The following PDS5B variants were observed in gnomAD, a reference collection of about 807,000 sequenced individuals.
PDS5B encodes the protein sister chromatid cohesion protein PDS5 homolog B.
Under a neutral mutation model 184.1 loss-of-function variants are expected in PDS5B, and 51 were observed. The ratio of observed to expected loss-of-function variants is 0.28; its 90% CI spans 0.22 to 0.35. PDS5B has a LOEUF of 0.35. PDS5B is among the 10% of genes least tolerant of loss of function. The pLI, the probability that PDS5B is intolerant of heterozygous loss-of-function variation, is 1.00. For synonymous variants in PDS5B, 566 were observed against 569.2 expected (o/e 0.99, Z 0.08); for missense variants, 1,180 against 1,723.3 (o/e 0.68, Z 5.58).
At chr13:32,638,196 C>T (rs1291874965) in intron 1 of PDS5B, among the ~76,000 whole-genome samples, 1 of 152,190 alleles carries the variant, frequency 6.6e-6, no homozygotes, top group Non-Finnish European at 1.5e-5. Flanking sequence ...GGTAAGCTAA[C>T]CCAGAGCACA....
chr13:32,637,919 C>T (rs1461756871), intron 1 of PDS5B, among the ~76,000 whole-genome samples: 3 of 152,156 alleles, frequency 2.0e-5, no homozygotes, highest in Non-Finnish European at 4.4e-5. Flanking sequence ...TTACTGAAAA[C>T]AACTGTTCCC....
chr13:32,626,032 GT>G (rs909299360), intron 1 of PDS5B, among the ~76,000 whole-genome samples: 1 of 152,036 alleles, frequency 6.6e-6, no homozygotes, highest in African/African-American at 2.4e-5. Flanking sequence ...TAGGTATGGG[GT>G]TTTGCCATGT....
At chr13:32,730,090 A>C (rs965851065) in intron 19 of PDS5B, among the ~76,000 whole-genome samples, 1 of 152,160 alleles carries the variant, frequency 6.6e-6, no homozygotes, top group Admixed American at 6.5e-5. Context: ...TTTTCCATTT[A>C]AGTCTTTAAT....
intron 33 of PDS5B, among the ~76,000 whole-genome samples, chr13:32,772,077 G>A (rs1954807509): frequency 6.6e-6 from 1 of 151,814 alleles, no homozygotes. Context: ...TTCTTGTTCT[G>A]ACCTCAGTGA....
chr13:32,594,404 A>G (rs2057825055), intron 1 of PDS5B, among the ~76,000 whole-genome samples: 1 of 152,212 alleles, frequency 6.6e-6, no homozygotes, highest in Admixed American at 6.5e-5. Context: ...TACAAAGATG[A>G]AAGATACTCA....
chr13:32,659,261 A>C lies in PDS5B; in HGVS notation c.605A>C (p.Asn202Thr). 1 of 1,587,624 alleles carries C rather than the reference A, an allele frequency of 6.3e-7. No individual in the cohort carries two copies. The highest frequency in any genetic ancestry group is 8.6e-7 in the Non-Finnish European group (1 of 1,163,216). Residue 202 changes from asparagine to threonine, a missense_variant, in exon 6 of 35, where the codon AAT (asparagine) becomes ACT (threonine). Transcript: ENST00000315596. ...SQELLDTVLV[N>T]LVPAHKNLNK... ...GAGCTTTTGGATACGGTTTTAGTAAATCTGGTACCTGCTCATAAGGTGAGT... is the reference window on the plus strand; with the variant it reads ...GAGCTTTTGGATACGGTTTTAGTAACTCTGGTACCTGCTCATAAGGTGAGT...
chr13:32,674,276 A>T (rs1427672159), intron 8 of PDS5B, among the ~76,000 whole-genome samples: 6 of 152,196 alleles, frequency 3.9e-5, no homozygotes, highest in Admixed American at 3.9e-4. Context: ...AAAGTTCTTA[A>T]ATGATGTTTG....
chr13:32,719,591 C>G (rs766699226), intron 19 of PDS5B, among the ~76,000 whole-genome samples: 16 of 152,182 alleles, frequency 1.1e-4, no homozygotes, highest in Middle Eastern at 3.4e-3. Flanking sequence ...CAGTACAGTT[C>G]TAGGTGTCGA....
chr13:32,600,453 C>T (rs904598104), intron 1 of PDS5B, among the ~76,000 whole-genome samples: 3 of 152,174 alleles, frequency 2.0e-5, no homozygotes, highest in African/African-American at 7.2e-5. Flanking sequence ...AAGTCTGAGG[C>T]GTTGGCCAGG....
At chr13:32,772,358 G>A (rs1165700395) in intron 33 of PDS5B, among the ~76,000 whole-genome samples, 1 of 152,148 alleles carries the variant, frequency 6.6e-6, no homozygotes, top group East Asian at 1.9e-4. Flanking sequence ...AACAGACGTG[G>A]TACTTGTTTT....
At chr13:32,665,317 C>T (rs1390740100) in intron 6 of PDS5B, among the ~76,000 whole-genome samples, 1 of 151,992 alleles carries the variant, frequency 6.6e-6, no homozygotes, top group Non-Finnish European at 1.5e-5. Context: ...GGGGGCTGGG[C>T]ACAGTGGCTC....
At chr13:32,676,100 T>G (rs752863298) in intron 9 of PDS5B, 141 bp downstream of exon 9, 4 of 568,614 alleles carry the variant, frequency 7.0e-6, no homozygotes, top group African/African-American at 3.7e-5. Context: ...TTGAAAGTTG[T>G]TAATGACTGG....
At chr13:32,661,630 A>G (rs1013109378) in intron 6 of PDS5B, among the ~76,000 whole-genome samples, 3 of 152,064 alleles carry the variant, frequency 2.0e-5, no homozygotes, top group African/African-American at 4.8e-5. Context: ...GAAATATTCC[A>G]GAATTGGTTA....
At chr13:32,654,409 C>T (rs1184464123) in intron 3 of PDS5B, among the ~76,000 whole-genome samples, 2 of 152,108 alleles carry the variant, frequency 1.3e-5, no homozygotes, top group Non-Finnish European at 2.9e-5. Context: ...GTCTTTCCAT[C>T]GCTACATAGG....
chr13:32,679,412 G>A (rs1433173883), intron 10 of PDS5B, among the ~76,000 whole-genome samples: 2 of 152,094 alleles, frequency 1.3e-5, no homozygotes, highest in East Asian at 1.9e-4. Flanking sequence ...GCCAAGGTGG[G>A]CAGATCACCT....
chr13:32,596,188 A>AC (rs925864226), intron 1 of PDS5B, among the ~76,000 whole-genome samples: 8 of 152,182 alleles, frequency 5.3e-5, no homozygotes, highest in Admixed American at 3.9e-4. Flanking sequence ...CATTTTTATT[A>AC]CCCCACAACG....
chr13:32,655,957 A>T (rs1235379347), intron 3 of PDS5B, among the ~76,000 whole-genome samples: 1 of 152,062 alleles, frequency 6.6e-6, no homozygotes, highest in Non-Finnish European at 1.5e-5. Context: ...TTATAGTTTT[A>T]GGTTTTACAT....
chr13:32,652,069 A>G, intron 3 of PDS5B, 62 bp downstream of exon 3: 1 of 1,111,854 alleles, frequency 9.0e-7, no homozygotes, highest in Non-Finnish European at 1.4e-6. Flanking sequence ...TTCTAACTAA[A>G]ATGGGAGTTA....
rs187607050 is a variant in PDS5B at position 32,638,679 on chromosome 13, G to A, written c.-19-10075G>A. The stretch of plus-strand genomic sequence containing the variant: ...GAGAGAGTATCTAGTAGACACAGAG[G>A]ATGCTGATACGGGGGAAAGAGGAGA... On this transcript the variant is annotated intron_variant, in intron 1 of 34. Transcript: ENST00000315596. Among the ~76,000 whole-genome samples, 228 of 152,118 alleles carry A rather than the reference G, an allele frequency of 1.5e-3. 1 individual carries two copies. Among genetic ancestry groups the A allele is most frequent in the Non-Finnish European group, 2.7e-3 (181 of 67,992 alleles).
Sources: allele counts gnomAD v4.1 joint callset (sites outside exome capture counted in the v4.1 genomes callset), GRCh38; gene constraint gnomAD v4.1.1; transcripts MANE v1.5; gene names NCBI Gene and HGNC (gene_info 2026-07-23, HGNC 2026-07-21).